ZNF438: variants seen among roughly 807,000 people sequenced by gnomAD.
ZNF438 encodes the protein zinc finger protein 438.
Under a neutral mutation model 38.0 loss-of-function variants are expected in ZNF438, and 25 were observed. That is an observed-to-expected ratio of 0.66 (90% confidence interval 0.48 to 0.92). ZNF438 has a LOEUF of 0.92. Ranked by LOEUF, ZNF438 falls within the 40% of genes least tolerant of loss-of-function variation. ZNF438 has a pLI of 0.00. For missense variants in ZNF438, 1,007 were observed against 999.6 expected, an observed-to-expected ratio of 1.01 and a Z score of -0.10; for synonymous variants, 372 against 364.1, an observed-to-expected ratio of 1.02 and a Z score of -0.25.
intron 4 of ZNF438, among the ~76,000 whole-genome samples, chr10:30,870,140 C>T (rs1013550446): frequency 3.9e-5 from 6 of 152,198 alleles, no homozygotes; most frequent in African/African-American, 1.4e-4. Flanking sequence ...GAGGCTTCTA[C>T]TGTGCTTTCA....
At chr10:30,988,640 T>C (rs1332380749) in intron 1 of ZNF438, among the ~76,000 whole-genome samples, 44 of 152,188 alleles carry the variant, frequency 2.9e-4, no homozygotes, top group Non-Finnish European at 2.9e-5. Flanking sequence ...ACAGTTTTGC[T>C]TTAATGAATA....
chr10:30,982,357 T>A (rs376013390), intron 1 of ZNF438, among the ~76,000 whole-genome samples: 1 of 152,274 alleles, frequency 6.6e-6, no homozygotes, highest in South Asian at 2.1e-4. Flanking sequence ...TGCCTCAGTC[T>A]CACAAAGTGC....
chr10:30,992,241 T>A (rs775932857), intron 1 of ZNF438, among the ~76,000 whole-genome samples: 1 of 152,250 alleles, frequency 6.6e-6, no homozygotes, highest in East Asian at 1.9e-4. Context: ...TACCAAGACG[T>A]AGGATTTTTG....
At chr10:31,004,186 C>G (rs934245826) in intron 1 of ZNF438, among the ~76,000 whole-genome samples, 11 of 152,072 alleles carry the variant, frequency 7.2e-5, no homozygotes, top group African/African-American at 2.7e-4. Flanking sequence ...GCTAAGCATC[C>G]TACAATCCAC....
At chr10:30,986,121 A>G (rs1326871654) in intron 1 of ZNF438, among the ~76,000 whole-genome samples, 6 of 152,214 alleles carry the variant, frequency 3.9e-5, no homozygotes, top group African/African-American at 1.4e-4. Context: ...CTATAGATTC[A>G]TATCAGTACA....
At chr10:30,923,472 A>C (rs1163718535) in intron 2 of ZNF438, 1 of 152,192 alleles carries the variant, frequency 6.6e-6, no homozygotes. Context: ...ATAACATTTT[A>C]ACTTTTCCCA....
chr10:31,026,868 T>G (rs1263442967), intron 1 of ZNF438, among the ~76,000 whole-genome samples: 1 of 152,060 alleles, frequency 6.6e-6, no homozygotes, highest in Admixed American at 6.5e-5. Context: ...TAGACTGGAT[T>G]AAGAAAATGT....
At chr10:30,963,884 AT>A (rs1440008408) in intron 1 of ZNF438, among the ~76,000 whole-genome samples, 3 of 151,456 alleles carry the variant, frequency 2.0e-5, no homozygotes, top group East Asian at 1.9e-4. Context: ...AAAAAAAAAA[AT>A]TTTTTTTGCC....
chr10:30,927,193 G>C (rs940969953), intron 2 of ZNF438, among the ~76,000 whole-genome samples: 1 of 152,194 alleles, frequency 6.6e-6, no homozygotes, highest in East Asian at 1.9e-4. Context: ...CTAACTACAA[G>C]ATAGGTCAAA....
At chr10:30,956,681 C>T (rs565819363) in intron 1 of ZNF438, among the ~76,000 whole-genome samples, 2 of 152,274 alleles carry the variant, frequency 1.3e-5, no homozygotes, top group East Asian at 3.9e-4. Context: ...ATAATGACCT[C>T]TGGGTTCATC....
At chr10:30,889,230 A>G (rs1209470795) in intron 3 of ZNF438, among the ~76,000 whole-genome samples, 1 of 152,222 alleles carries the variant, frequency 6.6e-6, no homozygotes, top group African/African-American at 2.4e-5. Flanking sequence ...AAATGTTACT[A>G]AAGCTTTAGA....
chr10:30,848,450 C>G (rs2032797064), intron 5 of ZNF438, 81 bp downstream of exon 6: 2 of 1,488,072 alleles, frequency 1.3e-6, no homozygotes, highest in Admixed American at 2.2e-5. Flanking sequence ...TATAAACTCT[C>G]CTTTCTGAAT....
At chr10:30,907,492 G>A (rs567949298) in intron 3 of ZNF438, among the ~76,000 whole-genome samples, 6 of 152,158 alleles carry the variant, frequency 3.9e-5, no homozygotes, top group African/African-American at 1.4e-4. Context: ...ATATGGGCCT[G>A]GGTTTTGTGT....
intron 2 of ZNF438, among the ~76,000 whole-genome samples, chr10:30,930,261 G>A (rs748442556): frequency 3.3e-5 from 5 of 152,112 alleles, no homozygotes; most frequent in Non-Finnish European, 7.4e-5. Context: ...CAAGCACGAC[G>A]TGGGTGGGCT....
chr10:30,883,510 A>AT (rs1406018569), intron 3 of ZNF438, among the ~76,000 whole-genome samples: 1 of 152,240 alleles, frequency 6.6e-6, no homozygotes, highest in Non-Finnish European at 1.5e-5. Context: ...TAATAAAGCC[A>AT]TTTTTAAAAA....
chr10:30,873,852 G>T (rs1588926509), intron 4 of ZNF438, among the ~76,000 whole-genome samples: 2 of 151,950 alleles, frequency 1.3e-5, no homozygotes, highest in Admixed American at 1.3e-4. Flanking sequence ...CTTAATTTAA[G>T]CCTCACAACT....
At chr10:30,977,904 C>T (rs922666233) in intron 1 of ZNF438, among the ~76,000 whole-genome samples, 2 of 151,392 alleles carry the variant, frequency 1.3e-5, no homozygotes, top group African/African-American at 4.9e-5. Flanking sequence ...ATTGCTTGAA[C>T]TTGGGAGGCC....
intron 1 of ZNF438, among the ~76,000 whole-genome samples, chr10:30,962,819 A>G (rs1433998474): frequency 8.5e-6 from 1 of 117,194 alleles, no homozygotes; most frequent in Non-Finnish European, 2.2e-5. Context: ...AGACTAAAAT[A>G]TAAAATAAAA....
At chr10:30,879,743 G>A (rs1588966114) in intron 3 of ZNF438, among the ~76,000 whole-genome samples, 1 of 151,964 alleles carries the variant, frequency 6.6e-6, no homozygotes. Context: ...AAATCTGAAG[G>A]CACAGCTATT....
Sources: gnomAD v4.1 joint callset for allele counts (sites outside exome capture counted in the v4.1 genomes callset) on GRCh38, gnomAD v4.1.1 for gene constraint, MANE v1.5 for transcripts, NCBI Gene and HGNC (gene_info 2026-07-23, HGNC 2026-07-21) for gene names.